The following NSD3 variants were observed in gnomAD, a reference collection of about 807,000 sequenced individuals.
NSD3 encodes the protein histone-lysine N-methyltransferase NSD3.
A neutral mutation model predicts 160.8 loss-of-function variants in NSD3; 24 were observed. The ratio of observed to expected loss-of-function variants is 0.15; its 90% CI spans 0.11 to 0.21. The LOEUF (loss-of-function observed/expected upper bound fraction) is 0.21, where lower values mean the gene tolerates loss of function less well. Ranked by LOEUF, NSD3 falls within the 10% of genes least tolerant of loss-of-function variation. NSD3 has a pLI of 1.00. For missense variants in NSD3, 1,157 were observed against 1,735.9 expected (o/e 0.67, Z 5.93); for synonymous variants, 520 against 600.0 (o/e 0.87, Z 1.95).
chr8:38,322,211 A>G (rs1585885186), intron 7 of NSD3, among the ~76,000 whole-genome samples: 3 of 152,194 alleles, frequency 2.0e-5, no homozygotes, highest in South Asian at 2.1e-4. Flanking sequence ...CCCTCACTTT[A>G]GTTCAAAGCC....
chr8:38,379,250 C>G (rs759435652), intron 1 of NSD3, among the ~76,000 whole-genome samples: 18 of 151,840 alleles, frequency 1.2e-4, no homozygotes, highest in Admixed American at 2.0e-4. Flanking sequence ...TGGGCAGGAA[C>G]CCTGATCTTT....
At chr8:38,324,165 A>G (rs1427595214) in intron 7 of NSD3, among the ~76,000 whole-genome samples, 3 of 152,206 alleles carry the variant, frequency 2.0e-5, no homozygotes, top group African/African-American at 7.2e-5. Context: ...TGACATTGTA[A>G]GTTCATCTTT....
chr8:38,352,090 G>A (rs889805118), intron 1 of NSD3, among the ~76,000 whole-genome samples: 1 of 151,284 alleles, frequency 6.6e-6, no homozygotes, highest in Admixed American at 6.6e-5. Context: ...CATTAACAAT[G>A]CCTATTATTA....
At position 38,290,499 on chromosome 8, in the gene NSD3, T is replaced by C. The variant is rs1808977523; in HGVS notation, c.3094A>G (p.Ser1032Gly). Reference sequence around the variant, plus strand: ...CCCTTTTTGAAGGTCTTGTTAATACTAGTCTGCCCTTCAGCAAAGCTTTTG... The same window carrying C: ...CCCTTTTTGAAGGTCTTGTTAATACCAGTCTGCCCTTCAGCAAAGCTTTTG... ...GDKSFAEGQT[S>G]INKTFKKALE... Residue 1032 changes from serine (S) to glycine (G), a missense_variant, in exon 17 of 24, where the codon AGT (serine) becomes GGT (glycine). Physicochemically the swap from Ser to Gly is moderately conservative, Grantham distance 56. Coordinates refer to ENST00000317025, the MANE Select transcript of NSD3 (RefSeq NM_023034.2). 6.2e-7 allele frequency: 1 copy of C among 1,614,176 alleles called. No individual in the cohort carries two copies. The highest frequency in any genetic ancestry group is 8.5e-7 in the Non-Finnish European group (1 of 1,180,012).
intron 1 of NSD3, among the ~76,000 whole-genome samples, chr8:38,353,185 C>T (rs1383650864): frequency 6.6e-6 from 1 of 152,188 alleles, no homozygotes; most frequent in Non-Finnish European, 1.5e-5. Flanking sequence ...TCTTGGCTCA[C>T]TGCAAAAAAA....
intron 16 of NSD3, among the ~76,000 whole-genome samples, chr8:38,292,472 C>T (rs1402572334): frequency 6.6e-6 from 1 of 151,940 alleles, no homozygotes; most frequent in African/African-American, 2.4e-5. Flanking sequence ...CATGGTGAAA[C>T]CCCGTCTCTA....
chr8:38,329,252 CTG>C lies in NSD3; in HGVS notation c.1581+124_1581+125del, dbSNP rs1809991008. ...CTTTTTTGCCCACAGAGTACAATGA[CTG>C]TATGTTTCAAATTCAGTGGGTAGAA... On this transcript the variant is annotated intron_variant, in intron 6 of 23. Coordinates refer to ENST00000317025, the MANE Select transcript of NSD3 (RefSeq NM_023034.2). This position sits in a 1 kb window ranked among gnomAD's most constrained non-coding sequence, Gnocchi z 4.8. 1 of 1,163,968 alleles carries C rather than the reference CTG, an allele frequency of 8.6e-7. No individual in the cohort carries two copies. The highest frequency in any genetic ancestry group is 1.2e-6 in the Non-Finnish European group (1 of 835,356). The allele number at this position is 1,163,968 out of a possible 1,614,324, so 72.1% of individuals were successfully genotyped here. A position where few individuals can be genotyped will look rare whatever the true frequency, so the allele number is the denominator to read the frequency against.
At chr8:38,337,504 A>C in intron 3 of NSD3, 37 bp from the exon 4 acceptor site, 1 of 1,504,886 alleles carries the variant, frequency 6.6e-7, no homozygotes, top group Non-Finnish European at 8.8e-7. Context: ...TCAGAAATTC[A>C]AAAAAAGAAA....
At chr8:38,309,562 A>C (rs1284890062) in intron 12 of NSD3, among the ~76,000 whole-genome samples, 1 of 152,078 alleles carries the variant, frequency 6.6e-6, no homozygotes, top group Non-Finnish European at 1.5e-5. Flanking sequence ...CTGGGGTGGG[A>C]GGATCACCTG....
At chr8:38,307,134 TA>T (rs112474032) in intron 12 of NSD3, among the ~76,000 whole-genome samples, 28,602 of 139,562 alleles carry the variant, frequency 0.2, 2,937 homozygotes, top group East Asian at 0.27. Context: ...AAAAATAAAA[TA>T]AAATAAATAA....
chr8:38,288,818 G>A lies in NSD3; in HGVS notation c.3232-62C>T. ...GGTAAGTCATCTGGCAATGTGAACA[G>A]GAACATCTAAAACATCCACGCTACT... On this transcript the variant is annotated intron_variant, in intron 18 of 23. Coordinates refer to ENST00000317025, the MANE Select transcript of NSD3 (RefSeq NM_023034.2). The surrounding 1 kb of genome is among the most constrained non-coding windows in gnomAD (Gnocchi z 4.5). 1 of 1,580,462 alleles carries A rather than the reference G, an allele frequency of 6.3e-7. No homozygotes were observed. Among genetic ancestry groups the A allele is most frequent in the Non-Finnish European group, 8.6e-7 (1 of 1,160,702 alleles).
chr8:38,283,326 T>C (rs1808776883), intron 19 of NSD3, among the ~76,000 whole-genome samples: 1 of 152,160 alleles, frequency 6.6e-6, no homozygotes, highest in South Asian at 2.1e-4. Context: ...TAATATATTT[T>C]AGAGGAAAAT....
chr8:38,348,199 C>T lies in NSD3; in HGVS notation c.-28G>A. The T allele has an allele frequency of 6.5e-7, 1 of 1,531,516 alleles. No individual in the cohort carries two copies. Among genetic ancestry groups the T allele is most frequent in the Non-Finnish European group, 8.8e-7 (1 of 1,142,216 alleles). 94.9% of individuals were successfully genotyped at this position (1,531,516 alleles called of 1,614,324 possible). On this transcript the variant is annotated 5_prime_UTR_variant, in exon 2 of 24. Transcript: ENST00000317025. ...TTCTGCTCCAGCATCCTTAACTTTC[C>T]CTTTCTCTCATCGGGCCTAAAATTA... is the stretch of plus-strand genomic sequence containing the variant.
At chr8:38,373,978 G>T (rs1285965261) in intron 1 of NSD3, among the ~76,000 whole-genome samples, 1 of 151,142 alleles carries the variant, frequency 6.6e-6, no homozygotes, top group African/African-American at 2.4e-5. Flanking sequence ...AGCTGGGTGT[G>T]GTGGCACACG....
chr8:38,367,073 A>C (rs997636518), intron 1 of NSD3, among the ~76,000 whole-genome samples: 1 of 152,200 alleles, frequency 6.6e-6, no homozygotes, highest in African/African-American at 2.4e-5. Context: ...CATAAGAGGA[A>C]GTTCAGCAAA....
chr8:38,380,033 A>G (rs1372844892), intron 1 of NSD3, among the ~76,000 whole-genome samples: 1 of 152,208 alleles, frequency 6.6e-6, no homozygotes, highest in Non-Finnish European at 1.5e-5. Context: ...AAACGAACAA[A>G]CAAAACAACA....
At position 38,275,881 on chromosome 8, in the gene NSD3, T is replaced by G; in HGVS notation, c.4074A>C (p.Gly1358=). ...LCLNLTQPPY[G]KWECPWHQCD... ...ACTGATGCCACGGACACTCCCACTTTCCTAATTCGGGGAGATGGGGAGGAA... is the reference window on the plus strand; with the variant it reads ...ACTGATGCCACGGACACTCCCACTTGCCTAATTCGGGGAGATGGGGAGGAA... Residue 1358 remains glycine (G), a splice_region_variant and synonymous_variant, in exon 24 of 24, where the codon GGA becomes GGC. Coordinates refer to ENST00000317025, the MANE Select transcript of NSD3 (RefSeq NM_023034.2). The G allele has an allele frequency of 6.2e-7, 1 of 1,612,808 alleles. No homozygotes were observed. Among genetic ancestry groups the G allele is most frequent in the Non-Finnish European group, 8.5e-7 (1 of 1,179,070 alleles).
rs773830600 is a variant in NSD3, at chr8:38,315,905, T to C, written c.1986+7A>G. The C allele has an allele frequency of 3.7e-6, 6 of 1,613,574 alleles. No individual in the cohort carries two copies. Among genetic ancestry groups the C allele is most frequent in the Non-Finnish European group, 5.1e-6 (6 of 1,179,860 alleles). ...AACACTTTGTCCAGACCCTTGCACA[T>C]ATTTACCTGCAGGTCACTCAGTCCT... On this transcript the variant is annotated splice_region_variant and intron_variant, in intron 10 of 23. Transcript: ENST00000317025.
intron 19 of NSD3, among the ~76,000 whole-genome samples, chr8:38,286,976 T>C (rs942160218): frequency 6.6e-6 from 1 of 152,230 alleles, no homozygotes; most frequent in South Asian, 2.1e-4. Flanking sequence ...CAGCAGTTAA[T>C]GGCACTCGAC....
Sources: allele counts gnomAD v4.1 joint callset (sites outside exome capture counted in the v4.1 genomes callset), GRCh38; gene constraint gnomAD v4.1.1; non-coding constraint Gnocchi (gnomAD v3.1); transcripts MANE v1.5; gene names NCBI Gene and HGNC (gene_info 2026-07-23, HGNC 2026-07-21).